Variants in ANXA1 observed in about 807,000 individuals in gnomAD.
ANXA1 encodes the protein annexin I (lipocortin I).
Under a neutral mutation model 47.9 loss-of-function variants are expected in ANXA1, and 39 were observed. The observed-to-expected ratio is 0.81, with a 90% confidence interval of 0.63 to 1.06. The LOEUF is 1.06. ANXA1 is among the 50% of genes least tolerant of loss of function. ANXA1 has a pLI of 0.00. For missense variants in ANXA1, 446 were observed against 422.7 expected (o/e 1.06, Z -0.48); for synonymous variants, 146 against 142.5 (o/e 1.02, Z -0.17).
At chr9:73,167,400 A>C (rs1373379238) in intron 10 of ANXA1, 97 bp from the exon 11 acceptor site, 2 of 1,131,122 alleles carry the variant, frequency 1.8e-6, no homozygotes, top group Non-Finnish European at 2.6e-6. Flanking sequence ...GAGGGATAGA[A>C]CACTGTTGGC....
intron 12 of ANXA1, among the ~76,000 whole-genome samples, chr9:73,169,443 A>T (rs889045087): frequency 6.6e-6 from 1 of 152,158 alleles, no homozygotes; most frequent in Non-Finnish European, 1.5e-5. Flanking sequence ...GGGTAGATAG[A>T]CATTGTGGTT....
chr9:73,168,593 A>G (rs1824271104), intron 11 of ANXA1: 1 of 155,126 alleles, frequency 6.4e-6, no homozygotes, highest in Non-Finnish European at 1.4e-5. Flanking sequence ...GCACACTGGA[A>G]GAGATGGTAG....
intron 11 of ANXA1, 152 bp from the exon 12 acceptor site, chr9:73,168,880 G>GTTGTGTGTGT (rs1554674604): frequency 2.5e-6 from 1 of 401,832 alleles, no homozygotes; most frequent in Non-Finnish European, 4.6e-6. Context: ...ATTCGTGTAA[G>GTTGTGTGTGT]GTGTGTGTGT....
chr9:73,160,842 G>T lies in ANXA1; in HGVS notation c.424G>T (p.Ala142Ser), dbSNP rs1224222319. The change falls in exon 6 of 13, where the codon GCA becomes TCA. Residue 142 changes from alanine (A) to serine (S), a missense_variant. By Grantham distance (99) the Ala-to-Ser change is moderately conservative. Transcript: ENST00000257497. Reference sequence around the variant, plus strand: ...TGAAGATACTCTAATTGAGATTTTGGCATCAAGAACTAACAAAGAAATCAG... The same window carrying T: ...TGAAGATACTCTAATTGAGATTTTGTCATCAAGAACTAACAAAGAAATCAG... Reference protein sequence around the residue: ...TDEDTLIEILASRTNKEIRDI... With the variant: ...TDEDTLIEILSSRTNKEIRDI... 6.2e-7 allele frequency: 1 copy of T among 1,612,742 alleles called. No homozygotes were observed. Among genetic ancestry groups the T allele is most frequent in the Admixed American group, 1.7e-5 (1 of 59,936 alleles).
intron 6 of ANXA1, 144 bp from the exon 7 acceptor site, chr9:73,162,638 T>C (rs1435967167): frequency 1.9e-6 from 1 of 513,558 alleles, no homozygotes; most frequent in East Asian, 3.0e-5. Flanking sequence ...TCTTCTTATT[T>C]AAAAATGATA....
intron 9 of ANXA1, among the ~76,000 whole-genome samples, chr9:73,165,815 T>C (rs1824220272): frequency 1.3e-5 from 2 of 152,250 alleles, no homozygotes; most frequent in Middle Eastern, 3.4e-3. Context: ...TTAGAACTGC[T>C]GTAGGAAGTG....
At chr9:73,163,836 T>C (rs1686783401) in intron 8 of ANXA1, among the ~76,000 whole-genome samples, 1 of 152,154 alleles carries the variant, frequency 6.6e-6, no homozygotes, top group Admixed American at 6.6e-5. Flanking sequence ...TTGTACTAGG[T>C]ATAAGAAGGG....
In ANXA1 at chr9:73,160,296, G is replaced by C; in HGVS notation, c.304G>C (p.Gly102Arg). Residue 102 changes from glycine to arginine, a missense_variant, in exon 5 of 13, where the codon GGT becomes CGT. Physicochemically the swap from Gly to Arg is moderately radical, Grantham distance 125 (BLOSUM62 -2). Coordinates refer to ENST00000257497, the MANE Select transcript of ANXA1 (RefSeq NM_000700.3). ...LDETLKKALT[G>R]HLEEVVLALL... The stretch of plus-strand genomic sequence containing the variant: ...TGAAACACTGAAGAAAGCCCTTACA[G>C]GTCACCTTGAGGAGGTTGTTTTAGC... The C allele has an allele frequency of 1.3e-6, 2 of 1,580,308 alleles. No individual in the cohort carries two copies. The highest frequency in any genetic ancestry group is 1.7e-6 in the Non-Finnish European group (2 of 1,169,760).
intron 1 of ANXA1, among the ~76,000 whole-genome samples, chr9:73,156,194 T>A (rs1382109489): frequency 6.8e-6 from 1 of 147,982 alleles, no homozygotes; most frequent in East Asian, 2.0e-4. Flanking sequence ...AATAAAAACA[T>A]GTTTTTATAA....
At chr9:73,159,202 C>A in intron 3 of ANXA1, 127 bp from the exon 4 acceptor site, 1 of 750,396 alleles carries the variant, frequency 1.3e-6, no homozygotes, top group Non-Finnish European at 2.2e-6. Flanking sequence ...ATTTTTTAGG[C>A]TGATATATAA....
chr9:73,159,298 G>C, intron 3 of ANXA1, 31 bp from the exon 4 acceptor site: 3 of 1,539,622 alleles, frequency 1.9e-6, no homozygotes, highest in Non-Finnish European at 2.7e-6. Context: ...AAGAAAATTG[G>C]TGTTAAAGGC....
chr9:73,166,191 C>A lies in ANXA1; in HGVS notation c.801C>A (p.Ile267=). The A allele has an allele frequency of 1.2e-6, 2 of 1,606,818 alleles. No homozygotes were observed. Among genetic ancestry groups the A allele is most frequent in the African/African-American group, 1.3e-5 (1 of 74,774 alleles). ...KGDIEKCLTA[I]VKCATSKPAF... ...ACATTGAGAAATGCCTCACAGCTAT[C>A]GGTATGTAGTCCAGCAGTTGAAAGA... The change falls in exon 10 of 13, where the codon ATC becomes ATA. Residue 267 remains isoleucine (I), a splice_region_variant and synonymous_variant. Transcript: ENST00000257497.
chr9:73,155,665 T>C lies in ANXA1; in HGVS notation c.-14-2857T>C, dbSNP rs1824035072. On this transcript the variant is annotated intron_variant, in intron 1 of 12. Coordinates refer to ENST00000257497, the MANE Select transcript of ANXA1 (RefSeq NM_000700.3). ...TTTAATCTTTGCTAAGAGCTGGTGG[T>C]GAATTTGGCTGAATTCAGATTCCGT... 2.0e-5 allele frequency among the ~76,000 whole-genome samples: 3 copies of C among 152,190 alleles called. No homozygotes were observed. In the South Asian group the frequency reaches 6.2e-4, roughly 31 times the overall value.
chr9:73,165,291 A>G (rs1207319405), intron 9 of ANXA1, 82 bp downstream of exon 9: 34 of 1,106,048 alleles, frequency 3.1e-5, no homozygotes, highest in Non-Finnish European at 3.2e-5. Context: ...GAAAGTAAAA[A>G]CAGAACCCTT....
chr9:73,159,351 T>C lies in ANXA1; in HGVS notation c.198T>C (p.Ile66=), dbSNP rs776007675. The C allele has an allele frequency of 2.6e-5, 42 of 1,613,198 alleles. 2 individuals carry two copies. The Middle Eastern group carries it at 4.1e-3, about 158-fold the overall frequency. Reference sequence around the variant, plus strand: ...CAGGTGTGGATGAAGCAACCATCATTGACATTCTAACTAAGCGAAACAATG... The same window carrying C: ...CAGGTGTGGATGAAGCAACCATCATCGACATTCTAACTAAGCGAAACAATG... ...MVKGVDEATI[I]DILTKRNNAQ... is the part of the protein sequence containing the mutation. The change falls in exon 4 of 13, where the codon ATT becomes ATC. Residue 66 remains isoleucine (I), a synonymous_variant. Coordinates refer to ENST00000257497, the MANE Select transcript of ANXA1 (RefSeq NM_000700.3).
chr9:73,165,532 CA>C (rs111672053), intron 9 of ANXA1: 13,328 of 108,522 alleles, frequency 0.12, 917 homozygotes, highest in African/African-American at 0.25. Context: ...TGAAGAAAAA[CA>C]AAAAAAAAAA....
chr9:73,167,609 A>G (rs961915428), intron 11 of ANXA1, 54 bp downstream of exon 11: 8 of 1,495,986 alleles, frequency 5.3e-6, no homozygotes, highest in African/African-American at 2.8e-5. Flanking sequence ...ATTTGTAGAA[A>G]GAACAGAAAA....
At position 73,151,906 on chromosome 9, in the gene ANXA1, C is replaced by T. The variant is rs1372244206; in HGVS notation, c.-33C>T. On this transcript the variant is annotated 5_prime_UTR_variant, in exon 1 of 13. Transcript: ENST00000257497. ...AGAAGAATTTCTCTTTAGTTCTTTG[C>T]AAGAAGGTAGAGATAAAGGTAAGTC... 1 of 152,146 alleles carries T rather than the reference C, an allele frequency of 6.6e-6. No individual in the cohort carries two copies. Among genetic ancestry groups the T allele is most frequent in the Non-Finnish European group, 1.5e-5 (1 of 68,022 alleles). 9.4% of individuals were successfully genotyped at this position (152,146 alleles called of 1,614,324 possible). A position where few individuals can be genotyped will look rare whatever the true frequency, so the allele number is the denominator to read the frequency against.
intron 11 of ANXA1, chr9:73,168,381 C>T (rs1408695537): frequency 6.6e-6 from 1 of 152,142 alleles, no homozygotes; most frequent in Non-Finnish European, 1.5e-5. Flanking sequence ...GGGACATATA[C>T]TCCAGACTTT....
Sources: allele counts gnomAD v4.1 joint callset (sites outside exome capture counted in the v4.1 genomes callset), GRCh38; gene constraint gnomAD v4.1.1; transcripts MANE v1.5; gene names NCBI Gene and HGNC (gene_info 2026-07-23, HGNC 2026-07-21).